Variants in SHC4 observed in about 807,000 individuals in gnomAD.
The protein encoded by SHC4 is SHC adaptor protein 4, also known as SHC-transforming protein 4.
A neutral mutation model predicts 69.4 loss-of-function variants in SHC4; 41 were observed. The ratio of observed to expected loss-of-function variants is 0.59; its 90% CI spans 0.46 to 0.77. The LOEUF (loss-of-function observed/expected upper bound fraction) is 0.77. SHC4 is among the 30% of genes least tolerant of loss of function. The pLI is 0.00. For synonymous variants in SHC4, 318 were observed against 299.3 expected (o/e 1.06, Z -0.64); for missense variants, 777 against 783.8 (o/e 0.99, Z 0.10).
intron 1 of SHC4, among the ~76,000 whole-genome samples, chr15:48,944,290 T>G (rs1030951162): frequency 6.6e-6 from 1 of 151,876 alleles, no homozygotes; most frequent in Admixed American, 6.6e-5. Flanking sequence ...CTTTCCCTCA[T>G]TCTTCCTTAC....
chr15:48,907,876 C>A (rs1900438628), intron 2 of SHC4, among the ~76,000 whole-genome samples: 1 of 129,524 alleles, frequency 7.7e-6, no homozygotes, highest in Non-Finnish European at 1.6e-5. Context: ...GTATATATAC[C>A]ACAGTTTCTT....
chr15:48,962,076 C>T (rs913377392), intron 1 of SHC4, among the ~76,000 whole-genome samples: 2 of 152,156 alleles, frequency 1.3e-5, no homozygotes, highest in Non-Finnish European at 2.9e-5. Flanking sequence ...AATCACTGAT[C>T]AGATTTGAAG....
chr15:48,916,302 C>T (rs1429057436), intron 2 of SHC4, among the ~76,000 whole-genome samples: 1 of 151,652 alleles, frequency 6.6e-6, no homozygotes, highest in Non-Finnish European at 1.5e-5. Flanking sequence ...CACACACACA[C>T]ACACACACAC....
At chr15:48,831,739 A>C (rs1212077184) in intron 11 of SHC4, among the ~76,000 whole-genome samples, 5 of 152,200 alleles carry the variant, frequency 3.3e-5, no homozygotes, top group African/African-American at 1.2e-4. Context: ...TTTAACTTCT[A>C]TAACCAGAAT....
chr15:48,958,456 C>T lies in SHC4; in HGVS notation c.585+3975G>A, dbSNP rs577834051. Among the ~76,000 whole-genome samples the T allele has an allele frequency of 5.3e-5, 8 of 152,280 alleles. No homozygotes were observed. The South Asian group carries it at 6.2e-4, about 12-fold the overall frequency. On this transcript the variant is annotated intron_variant, in intron 1 of 11. Transcript: ENST00000332408. The stretch of plus-strand genomic sequence containing the variant: ...TCTCAGTGTCCTCACCTGGAGAACA[C>T]GGCCTTCCTCAGGGGGTTGTGGTGA...
chr15:48,843,502 AG>A lies in SHC4; in HGVS notation c.1389del (p.Cys464AlafsTer68). 6.2e-7 allele frequency: 1 copy of A among 1,614,200 alleles called. No homozygotes were observed. The highest frequency in any genetic ancestry group is 8.5e-7 in the Non-Finnish European group (1 of 1,180,014). Reference protein sequence around the residue: ...HTCRVDLFDDPCYINTQALQS... With the variant: ...HTCRVDLFDDXCYINTQALQS... The stretch of plus-strand genomic sequence containing the variant: ...TGAAGAGCCTGTGTATTAATGTAGC[AG>A]GGGTCATCAAAGAGATCCACTCGGC... On this transcript the variant is annotated frameshift_variant, in exon 10 of 12. Coordinates refer to ENST00000332408, the MANE Select transcript of SHC4 (RefSeq NM_203349.4). LOFTEE classifies it high-confidence loss of function.
chr15:48,911,977 A>G (rs755166819), intron 2 of SHC4, among the ~76,000 whole-genome samples: 1 of 152,168 alleles, frequency 6.6e-6, no homozygotes, highest in Admixed American at 6.5e-5. Context: ...TGTTAATCTA[A>G]TAGGTTTTCC....
At chr15:48,865,304 T>A (rs1470817053) in intron 6 of SHC4, among the ~76,000 whole-genome samples, 1 of 152,212 alleles carries the variant, frequency 6.6e-6, no homozygotes, top group Admixed American at 6.5e-5. Flanking sequence ...GGAGGAGGTA[T>A]GTTGAGAACA....
intron 4 of SHC4, among the ~76,000 whole-genome samples, chr15:48,875,354 C>CT (rs1899777886): frequency 6.6e-6 from 1 of 152,228 alleles, no homozygotes; most frequent in Non-Finnish European, 1.5e-5. Context: ...TGTGTTTGCA[C>CT]TGAGAGCATC....
intron 1 of SHC4, among the ~76,000 whole-genome samples, chr15:48,939,423 C>T (rs1901134422): frequency 6.6e-6 from 1 of 152,126 alleles, no homozygotes; most frequent in South Asian, 2.1e-4. Context: ...AGGGGTGGTC[C>T]AAAAATACCA....
At chr15:48,932,096 G>A (rs950249493) in intron 1 of SHC4, among the ~76,000 whole-genome samples, 1 of 151,936 alleles carries the variant, frequency 6.6e-6, no homozygotes, top group African/African-American at 2.4e-5. Flanking sequence ...TGGGGTTTCT[G>A]GTGTCCCACC....
intron 9 of SHC4, among the ~76,000 whole-genome samples, chr15:48,848,580 A>G (rs1478843084): frequency 6.6e-6 from 1 of 152,228 alleles, no homozygotes; most frequent in Non-Finnish European, 1.5e-5. Flanking sequence ...ATAAAAATAT[A>G]TCCCAGGCTC....
rs79907016 is a variant in SHC4 at position 48,905,069 on chromosome 15, C to T, written c.657-14258G>A. Among the ~76,000 whole-genome samples the T allele has an allele frequency of 1.8e-3, 277 of 152,230 alleles. 2 individuals carry two copies. The highest frequency in any genetic ancestry group is 6.3e-3 in the African/African-American group (260 of 41,542). On this transcript the variant is annotated intron_variant, in intron 2 of 11. Transcript: ENST00000332408. ...TTTTGGAATTTGGCCAGGTTTAGCACGTCAAATCCTATGTTTTAGATTCTC... is the reference window on the plus strand; with the variant it reads ...TTTTGGAATTTGGCCAGGTTTAGCATGTCAAATCCTATGTTTTAGATTCTC...
intron 4 of SHC4, among the ~76,000 whole-genome samples, chr15:48,873,580 T>C (rs1157896390): frequency 1.3e-5 from 2 of 152,070 alleles, no homozygotes; most frequent in Admixed American, 6.6e-5. Context: ...CCATCTCTAC[T>C]AAAAATACAA....
chr15:48,872,671 T>C (rs996893940), intron 4 of SHC4, among the ~76,000 whole-genome samples: 2 of 152,242 alleles, frequency 1.3e-5, no homozygotes, highest in African/African-American at 4.8e-5. Context: ...TATTTTTGTT[T>C]CTTTTTGCAA....
rs386382928 is a variant in SHC4 at position 48,919,295 on chromosome 15, A to ATTTTTTTTTTTTTTTTT, written c.656+5567_656+5583dup. On this transcript the variant is annotated intron_variant, in intron 2 of 11. Coordinates refer to ENST00000332408, the MANE Select transcript of SHC4 (RefSeq NM_203349.4). ...CTCACACTCTTAAAAATTTATTTTA[A>ATTTTTTTTTTTTTTTTT]TTTTTTTTTTTTTTTTTTTTGTAGA... Among the ~76,000 whole-genome samples, 198 of 71,230 alleles carry ATTTTTTTTTTTTTTTTT rather than the reference A, an allele frequency of 2.8e-3. 32 individuals are homozygous for ATTTTTTTTTTTTTTTTT. Among genetic ancestry groups the ATTTTTTTTTTTTTTTTT allele is most frequent in the African/African-American group, 7.3e-3 (140 of 19,158 alleles). The allele number at this position is 71,230 out of a possible 152,430, so 46.7% of individuals were successfully genotyped here.
intron 2 of SHC4, among the ~76,000 whole-genome samples, chr15:48,917,738 G>A (rs1900654827): frequency 1.3e-5 from 2 of 151,258 alleles, no homozygotes; most frequent in African/African-American, 4.9e-5. Flanking sequence ...GTGACATCCA[G>A]GGAATGGCTG....
At chr15:48,886,720 G>A (rs937229266) in intron 3 of SHC4, among the ~76,000 whole-genome samples, 1 of 152,178 alleles carries the variant, frequency 6.6e-6, no homozygotes, top group African/African-American at 2.4e-5. Context: ...AGTATACAGC[G>A]AAGTGCTAAC....
intron 9 of SHC4, among the ~76,000 whole-genome samples, chr15:48,846,766 A>C (rs1168967032): frequency 6.6e-6 from 1 of 152,192 alleles, no homozygotes; most frequent in Non-Finnish European, 1.5e-5. Flanking sequence ...AAATATCTGC[A>C]TGTCTATCCA....
Sources: allele counts gnomAD v4.1 joint callset (sites outside exome capture counted in the v4.1 genomes callset), GRCh38; gene constraint gnomAD v4.1.1; transcripts MANE v1.5; gene names NCBI Gene and HGNC (gene_info 2026-07-23, HGNC 2026-07-21).